Variants in LYG1 observed in about 807,000 individuals in gnomAD.
The protein encoded by LYG1 is lysozyme g-like protein 1.
In LYG1, 17 loss-of-function variants were observed where a neutral mutation model predicts 21.7. The ratio of observed to expected loss-of-function variants is 0.78; its 90% confidence interval spans 0.54 to 1.18. The LOEUF (loss-of-function observed/expected upper bound fraction) is 1.18, where lower values mean the gene tolerates loss of function less well. Ranked by LOEUF, LYG1 falls within the 50% of genes most tolerant of loss-of-function variation. The pLI, the probability that LYG1 is intolerant of heterozygous loss-of-function variation, is 0.00. For synonymous variants in LYG1, 81 were observed against 87.4 expected (o/e 0.93, Z 0.41); for missense variants, 211 against 238.1 (o/e 0.89, Z 0.75).
At chr2:99,285,954 G>A (rs1027744326) in intron 5 of LYG1, among the ~76,000 whole-genome samples, 11 of 152,176 alleles carry the variant, frequency 7.2e-5, no homozygotes, top group African/African-American at 2.7e-4. Context: ...CTTAATCCCC[G>A]ATGTGGCAGT....
In LYG1 at chr2:99,284,370, G is replaced by A; in HGVS notation, c.*23C>T. 6.2e-7 allele frequency: 1 copy of A among 1,603,114 alleles called. No individual in the cohort carries two copies. The highest frequency in any genetic ancestry group is 8.5e-7 in the Non-Finnish European group (1 of 1,170,428). On this transcript the variant is annotated 3_prime_UTR_variant, in exon 7 of 7. Coordinates refer to ENST00000308528, the MANE Select transcript of LYG1 (RefSeq NM_174898.3). ...CATTTGAGGCTGCATATGTGATCAT[G>A]GTCTTGGGTTTCATCTGAGATGTTA... is the stretch of plus-strand genomic sequence containing the variant.
At chr2:99,290,436 T>TA (rs1255946907) in intron 5 of LYG1, among the ~76,000 whole-genome samples, 13 of 152,202 alleles carry the variant, frequency 8.5e-5, no homozygotes, top group African/African-American at 3.1e-4. Context: ...CGAAGTAAAA[T>TA]AAAGTATTTG....
At chr2:99,301,462 A>G (rs1432224306), upstream of LYG1, among the ~76,000 whole-genome samples, 74 of 96,942 alleles carry the variant, frequency 7.6e-4, no homozygotes, top group Admixed American at 1.7e-3. Flanking sequence ...GGAAGGGAAG[A>G]GGAAGGGAGG....
At chr2:99,286,464 G>A (rs1219606188) in intron 5 of LYG1, among the ~76,000 whole-genome samples, 1 of 152,152 alleles carries the variant, frequency 6.6e-6, no homozygotes, top group African/African-American at 2.4e-5. Context: ...CCAGCACTAT[G>A]GGAGGCCAAG....
intron 5 of LYG1, among the ~76,000 whole-genome samples, chr2:99,288,905 TAAGGC>T (rs2094110234): frequency 6.6e-6 from 1 of 152,052 alleles, no homozygotes; most frequent in Admixed American, 6.6e-5. Context: ...TCACCCTAAA[TAAGGC>T]AAGGACTCTC....
chr2:99,296,809 C>G (rs2094137984), intron 2 of LYG1, among the ~76,000 whole-genome samples: 1 of 152,152 alleles, frequency 6.6e-6, no homozygotes, highest in Non-Finnish European at 1.5e-5. Context: ...TGGGTTGTTT[C>G]TTTCAAACAC....
chr2:99,292,252 T>A (rs1232071826), intron 4 of LYG1, among the ~76,000 whole-genome samples: 2 of 151,890 alleles, frequency 1.3e-5, no homozygotes, highest in African/African-American at 4.8e-5. Flanking sequence ...ACCATTGCAC[T>A]CCAACCTGGG....
intron 4 of LYG1, among the ~76,000 whole-genome samples, chr2:99,291,935 G>A (rs919664806): frequency 1.3e-5 from 2 of 152,204 alleles, no homozygotes; most frequent in Admixed American, 6.5e-5. Context: ...CTGGGCAAAA[G>A]GAAAGCCAAT....
chr2:99,286,775 A>G (rs144217805), intron 5 of LYG1, among the ~76,000 whole-genome samples: 4 of 152,218 alleles, frequency 2.6e-5, no homozygotes, highest in Admixed American at 6.5e-5. Context: ...TATTCATCCA[A>G]AAGAATTGGA....
intron 5 of LYG1, 75 bp from the exon 6 acceptor site, chr2:99,284,895 G>A: frequency 1.5e-5 from 24 of 1,549,846 alleles, no homozygotes; most frequent in Non-Finnish European, 1.8e-5. Flanking sequence ...GCTCAATGGC[G>A]CTTGTTCATT....
At chr2:99,292,397 A>C in intron 4 of LYG1, 139 bp downstream of exon 4, 1 of 645,190 alleles carries the variant, frequency 1.5e-6, no homozygotes, top group Non-Finnish European at 2.8e-6. Flanking sequence ...CCACGGATGC[A>C]GGGGCAGCTA....
chr2:99,300,936 G>A lies in LYG1; in HGVS notation c.-124+114C>T, dbSNP rs1246130185. ...TGCAAGGTCCTTAAGTTTCGCCTGA[G>A]TCCAATATTTCTTATGCAGCAGAGA... On this transcript the variant is annotated intron_variant, in intron 1 of 6. Coordinates refer to ENST00000308528, the MANE Select transcript of LYG1 (RefSeq NM_174898.3). 2.0e-4 allele frequency: 25 copies of A among 123,736 alleles called. No homozygotes were observed. In the Admixed American group the frequency reaches 2.1e-3, roughly 10 times the overall value. The allele number at this position is 123,736 out of a possible 1,614,324, so 7.7% of individuals were successfully genotyped here. A position where few individuals can be genotyped will look rare whatever the true frequency, so the allele number is the denominator to read the frequency against.
chr2:99,294,513 CTTTTTTA>C (rs1405200172), intron 3 of LYG1, among the ~76,000 whole-genome samples: 6 of 151,786 alleles, frequency 4.0e-5, no homozygotes, highest in Admixed American at 2.0e-4. Context: ...CTGACAGGTT[CTTTTTTA>C]TTTTTTAATC....
upstream of LYG1, among the ~76,000 whole-genome samples, chr2:99,301,717 C>CAA (rs10688800): frequency 0.36 from 51,463 of 142,200 alleles, 9,802 homozygotes; most frequent in East Asian, 0.62. Context: ...GACTGTGTTC[C>CAA]AAAAAAAAAA....
upstream of LYG1, among the ~76,000 whole-genome samples, chr2:99,302,225 G>A (rs984285293): frequency 3.9e-5 from 6 of 152,078 alleles, no homozygotes; most frequent in African/African-American, 9.7e-5. Flanking sequence ...CTTGCTTATC[G>A]GCTGACTGGT....
At position 99,295,682 on chromosome 2, in the gene LYG1, G is replaced by C; in HGVS notation, c.-12C>G. On this transcript the variant is annotated 5_prime_UTR_variant, in exon 3 of 7. Transcript: ENST00000308528. ...CACAATGCAGACATGATGACGATCT[G>C]GCTCTACGGCTCCTGAAACACTTTT... 1 of 1,614,032 alleles carries C rather than the reference G, an allele frequency of 6.2e-7. No individual in the cohort carries two copies. Among genetic ancestry groups the C allele is most frequent in the Non-Finnish European group, 8.5e-7 (1 of 1,179,988 alleles).
chr2:99,291,141 C>T, intron 5 of LYG1, 96 bp downstream of exon 5: 1 of 1,191,020 alleles, frequency 8.4e-7, no homozygotes. Flanking sequence ...GACCTTCATT[C>T]ATGCTGTGTT....
chr2:99,295,823 A>G (rs2094134375), intron 2 of LYG1, 121 bp from the exon 3 acceptor site: 1 of 953,486 alleles, frequency 1.0e-6, no homozygotes, highest in Non-Finnish European at 1.6e-6. Context: ...ACCTAAGAAA[A>G]TGAATTATTT....
chr2:99,292,829 C>T (rs1266238989), intron 3 of LYG1, among the ~76,000 whole-genome samples, 189 bp from the exon 4 acceptor site: 1 of 151,918 alleles, frequency 6.6e-6, no homozygotes, highest in Non-Finnish European at 1.5e-5. Flanking sequence ...TCCTCAATAC[C>T]AAATTCTCAC....
Sources: allele counts gnomAD v4.1 joint callset (sites outside exome capture counted in the v4.1 genomes callset), GRCh38; gene constraint gnomAD v4.1.1; transcripts MANE v1.5; gene names NCBI Gene and HGNC (gene_info 2026-07-23, HGNC 2026-07-21).